Variants in TRIM5 observed in about 807,000 individuals in gnomAD.
TRIM5 encodes the protein tripartite motif containing 5.
A neutral mutation model predicts 35.6 loss-of-function variants in TRIM5; 31 were observed. The observed-to-expected ratio is 0.87, with a 90% CI of 0.65 to 1.18. The LOEUF is 1.18. Among genes scored for constraint, TRIM5 ranks in the 50% most tolerant of loss-of-function variants. TRIM5 has a pLI of 0.00. For missense variants in TRIM5, 609 were observed against 591.6 expected (o/e 1.03, Z -0.31); for synonymous variants, 243 against 215.6 (o/e 1.13, Z -1.11).
At chr11:5,604,442 G>C in the TRIM5 span, 4 of 1,381,030 alleles carry the variant, frequency 2.9e-6, no homozygotes, top group Non-Finnish European at 3.9e-6. Context: ...CTTCTTTTGA[G>C]GTTAGCAGAA....
intron 4 of TRIM5, among the ~76,000 whole-genome samples, chr11:5,676,472 G>C (rs1851990272): frequency 6.6e-6 from 1 of 152,152 alleles, no homozygotes; most frequent in Admixed American, 6.5e-5. Context: ...CAAACAAATG[G>C]AAGAACATTC....
chr11:5,608,160 C>G, the TRIM5 span, among the ~76,000 whole-genome samples: 1 of 152,170 alleles, frequency 6.6e-6, no homozygotes, highest in African/African-American at 2.4e-5. Context: ...TTGTGAAAAT[C>G]AAGACACTGA....
the TRIM5 span, among the ~76,000 whole-genome samples, chr11:5,606,563 A>C: frequency 6.6e-6 from 1 of 151,986 alleles, no homozygotes; most frequent in Non-Finnish European, 1.5e-5. Flanking sequence ...ATGGGTAGCT[A>C]CTTTCTGCCT....
chr11:5,665,331 C>A lies in TRIM5; in HGVS notation c.960G>T (p.Val320=). 2 of 1,613,922 alleles carry A rather than the reference C, an allele frequency of 1.2e-6. No individual in the cohort carries two copies. The highest frequency in any genetic ancestry group is 1.7e-6 in the Non-Finnish European group (2 of 1,179,982). The change falls in exon 8 of 8, where the codon GTG becomes GTT. Residue 320 remains valine (V), a synonymous_variant. Coordinates refer to ENST00000380034, the MANE Select transcript of TRIM5 (RefSeq NM_033034.3). ...CAVISEDKRQ[V]SSPKPQIIYG... ...ATATTATCTGTGGTTTCGGAGAGCT[C>A]ACTTGTCTCTTATCTTCAGAAATGA...
At chr11:5,632,312 G>A in the TRIM5 span, 1 of 1,614,070 alleles carries the variant, frequency 6.2e-7, no homozygotes, top group Non-Finnish European at 8.5e-7. Context: ...AGGACCAGAA[G>A]AAGCCAGGGA....
the TRIM5 span, chr11:5,603,820 T>C: frequency 6.6e-7 from 1 of 1,512,360 alleles, no homozygotes; most frequent in Non-Finnish European, 8.8e-7. Context: ...TCTAATCTCT[T>C]TGTAGTCTTT....
the TRIM5 span, among the ~76,000 whole-genome samples, chr11:5,596,498 C>A: frequency 6.1e-5 from 7 of 114,784 alleles, no homozygotes; most frequent in Admixed American, 1.8e-4. Context: ...AGCATCCCTT[C>A]CCCCCTTCCC....
At chr11:5,676,928 C>T (rs545879488) in intron 4 of TRIM5, among the ~76,000 whole-genome samples, 524 of 150,896 alleles carry the variant, frequency 3.5e-3, no homozygotes, top group Non-Finnish European at 5.3e-3. Context: ...GGATCCCTTC[C>T]TTACACCTTA....
At chr11:5,665,854 A>G in intron 6 of TRIM5, 127 bp downstream of exon 6, 1 of 1,314,410 alleles carries the variant, frequency 7.6e-7, no homozygotes, top group Non-Finnish European at 1.0e-6. Context: ...TAATCCCATC[A>G]GCAGCAGACA....
chr11:5,681,057 GC>G (rs1454808101), intron 1 of TRIM5, among the ~76,000 whole-genome samples: 1 of 152,186 alleles, frequency 6.6e-6, no homozygotes, highest in Non-Finnish European at 1.5e-5. Context: ...CTGAAAGTTT[GC>G]CAAGGACATT....
chr11:5,670,165 C>T (rs1001447540), intron 4 of TRIM5, among the ~76,000 whole-genome samples: 2 of 145,110 alleles, frequency 1.4e-5, no homozygotes, highest in African/African-American at 2.6e-5. Flanking sequence ...GGATCAGATG[C>T]CCATCTTTTT....
At chr11:5,617,645 C>T in the TRIM5 span, among the ~76,000 whole-genome samples, 5 of 142,722 alleles carry the variant, frequency 3.5e-5, 1 homozygote, top group South Asian at 7.0e-4. Flanking sequence ...TCAACCACCA[C>T]GCCTGTCTAA....
chr11:5,596,530 CCCCCTTCCCCCTTCCCCCTT>C, the TRIM5 span: 2 of 20,214 alleles, frequency 9.9e-5, 1 homozygote. Flanking sequence ...TTCCCCCCTT[CCCCCTTCCCCCTTCCCCCTT>C]CCCCCTTCCC....
chr11:5,679,989 C>T lies in TRIM5; in HGVS notation c.189G>A (p.Gln63=). The T allele has an allele frequency of 2.5e-6, 4 of 1,614,102 alleles. No homozygotes were observed. The highest frequency in any genetic ancestry group is 4.5e-5 in the East Asian group (2 of 44,882). Residue 63 remains glutamine, a synonymous_variant, in exon 2 of 8, where the codon CAG becomes CAA. Transcript: ENST00000380034. The part of the protein sequence containing the change: ...SSCPVCRISY[Q]PENIRPNRHV... The stretch of plus-strand genomic sequence containing the variant: ...GCCGATTAGGCCGTATGTTCTCAGG[C>T]TGGTAACTGATCCGGCACACAGGGC...
At chr11:5,610,465 TAAG>T in the TRIM5 span, 1 of 1,612,362 alleles carries the variant, frequency 6.2e-7, no homozygotes, top group Non-Finnish European at 8.5e-7. Context: ...CTCAATGTAG[TAAG>T]GAGAGAGATA....
the TRIM5 span, chr11:5,641,345 G>C: frequency 6.7e-7 from 1 of 1,498,648 alleles, no homozygotes; most frequent in South Asian, 1.3e-5. Flanking sequence ...ATGAGTATTT[G>C]AGTGTTCCGT....
At position 5,678,185 on chromosome 11, in the gene TRIM5, G is replaced by C; in HGVS notation, c.744+19C>G. The C allele has an allele frequency of 6.3e-7, 1 of 1,590,002 alleles. No homozygotes were observed. Among genetic ancestry groups the C allele is most frequent in the South Asian group, 1.1e-5 (1 of 88,826 alleles). On this transcript the variant is annotated intron_variant, in intron 4 of 7. Transcript: ENST00000380034. ...ACTTTTCTTTAATCTCAGTGCTCAG[G>C]CTTCTTTCCACTTTTTACCTGAAGC...
chr11:5,610,283 T>G, the TRIM5 span: 2 of 1,613,230 alleles, frequency 1.2e-6, no homozygotes, highest in Non-Finnish European at 8.5e-7. Context: ...GATGTGAAAT[T>G]ACTGTCGTGG....
chr11:5,634,454 T>A, the TRIM5 span, among the ~76,000 whole-genome samples: 1 of 149,946 alleles, frequency 6.7e-6, no homozygotes, highest in Non-Finnish European at 1.5e-5. Context: ...AAAATCGATA[T>A]ATAGATAATA....
Sources: allele counts gnomAD v4.1 joint callset (sites outside exome capture counted in the v4.1 genomes callset), GRCh38; gene constraint gnomAD v4.1.1; transcripts MANE v1.5; gene names NCBI Gene and HGNC (gene_info 2026-07-23, HGNC 2026-07-21).